Variants in ESYT1 observed in about 807,000 individuals in gnomAD.
ESYT1 encodes extended synaptotagmin-1.
In ESYT1, 116 loss-of-function variants were observed where a neutral mutation model predicts 154.2. The ratio of observed to expected loss-of-function variants is 0.75; its 90% CI spans 0.65 to 0.88. The LOEUF (loss-of-function observed/expected upper bound fraction) is 0.88. Among genes scored for constraint, ESYT1 ranks in the 40% least tolerant of loss-of-function variants. The probability of loss-of-function intolerance (pLI) is 0.00; values close to 1 mark genes in which losing one functional copy is unlikely to be tolerated. For missense variants in ESYT1, 1,264 were observed against 1,379.3 expected, an observed-to-expected ratio of 0.92 and a Z score of 1.32; for synonymous variants, 500 against 539.9, an observed-to-expected ratio of 0.93 and a Z score of 1.02.
intron 24 of ESYT1, among the ~76,000 whole-genome samples, chr12:56,139,657 G>A (rs908495740): frequency 2.7e-5 from 4 of 150,006 alleles, no homozygotes; most frequent in Non-Finnish European, 4.4e-5. Flanking sequence ...GTGCAGTGGC[G>A]CAATCTCAGC....
In ESYT1 at chr12:56,144,168, G is replaced by A; in HGVS notation, c.*306G>A. ...TCAGGGCCTTCTGTATCTGTGCCTGGCCAGTGGCAGCACTAGCAGTGGTAT... is the reference window on the plus strand; with the variant it reads ...TCAGGGCCTTCTGTATCTGTGCCTGACCAGTGGCAGCACTAGCAGTGGTAT... On this transcript the variant is annotated 3_prime_UTR_variant, in exon 31 of 31. Coordinates refer to ENST00000394048, the MANE Select transcript of ESYT1 (RefSeq NM_015292.3). 1 of 1,323,780 alleles carries A rather than the reference G, an allele frequency of 7.6e-7. No homozygotes were observed. The highest frequency in any genetic ancestry group is 9.7e-7 in the Non-Finnish European group (1 of 1,033,022). 82.0% of individuals were successfully genotyped at this position (1,323,780 alleles called of 1,614,324 possible). A position where few individuals can be genotyped will look rare whatever the true frequency, so the allele number is the denominator to read the frequency against.
At chr12:56,141,680 C>CA (rs1249590323) in intron 24 of ESYT1, among the ~76,000 whole-genome samples, 2 of 152,142 alleles carry the variant, frequency 1.3e-5, no homozygotes, top group Non-Finnish European at 2.9e-5. Flanking sequence ...GCGGAGCTTG[C>CA]AGTGAGCTGA....
intron 1 of ESYT1, 48 bp downstream of exon 1, chr12:56,128,757 C>A (rs1415797166): frequency 6.2e-7 from 1 of 1,604,414 alleles, no homozygotes; most frequent in African/African-American, 1.3e-5. Flanking sequence ...CCCTTCCACC[C>A]CTTCCATCTG....
chr12:56,137,041 TG>T (rs921353341), intron 16 of ESYT1, 148 bp downstream of exon 16: 62 of 1,302,118 alleles, frequency 4.8e-5, no homozygotes, highest in Middle Eastern at 2.3e-4. Context: ...TTGATCTGAC[TG>T]GTGGAAGGAA....
chr12:56,128,628 A>G lies in ESYT1; in HGVS notation c.309A>G (p.Arg103=). 6.2e-7 allele frequency: 1 copy of G among 1,614,144 alleles called. No homozygotes were observed. The highest frequency in any genetic ancestry group is 8.5e-7 in the Non-Finnish European group (1 of 1,180,008). Residue 103 remains arginine, a synonymous_variant, in exon 1 of 31, where the codon CGA becomes CGG. Coordinates refer to ENST00000394048, the MANE Select transcript of ESYT1 (RefSeq NM_015292.3). ...RVRDEKERSL[R]AARQLLDDEE... is the part of the protein sequence containing the mutation. ...GCGACGAGAAAGAACGGAGCCTTCG[A>G]GCAGCGAGGCAGCTACTGGACGACG...
chr12:56,137,085 C>A, intron 16 of ESYT1, 133 bp from the exon 17 acceptor site: 1 of 1,333,826 alleles, frequency 7.5e-7, no homozygotes, highest in Non-Finnish European at 1.0e-6. Context: ...TGGAGGGAAC[C>A]CTGTAGAGAT....
In ESYT1 at chr12:56,138,019, T is replaced by C. The variant is rs568341425; in HGVS notation, c.2199-7T>C. On this transcript the variant is annotated splice_region_variant and splice_polypyrimidine_tract_variant and intron_variant, in intron 19 of 30. Transcript: ENST00000394048. ...CTAGCTTTTGTCTTAATCTTTCTCT[T>C]CAACAGGTGTAAAGTGCGTCTCACC... The C allele has an allele frequency of 4.3e-6, 7 of 1,614,044 alleles. No homozygotes were observed. Among genetic ancestry groups the C allele is most frequent in the African/African-American group, 1.3e-5 (1 of 74,920 alleles).
chr12:56,133,973 C>T, intron 13 of ESYT1, 100 bp downstream of exon 13: 1 of 1,519,940 alleles, frequency 6.6e-7, no homozygotes, highest in Non-Finnish European at 9.1e-7. Flanking sequence ...CCAGAAGTAT[C>T]AGCATGTAAC....
At chr12:56,139,131 CAG>C in intron 24 of ESYT1, 118 bp downstream of exon 24, 2 of 717,400 alleles carry the variant, frequency 2.8e-6, no homozygotes, top group Non-Finnish European at 2.3e-6. Flanking sequence ...TTTTTTGAGA[CAG>C]AGTCTTGCTC....
At position 56,131,035 on chromosome 12, in the gene ESYT1, CCTAGCCA is replaced by C. The variant is rs1565872701; in HGVS notation, c.568-4_570del. ...GCCCTCTCTCAGGAATTTCTCTCTC[CCTAGCCA>C]TTGCGCATCATTGGAGTCAAGGTTC... On this transcript the variant is annotated splice_acceptor_variant and splice_polypyrimidine_tract_variant and coding_sequence_variant and intron_variant, in exon 4 of 31. Coordinates refer to ENST00000394048, the MANE Select transcript of ESYT1 (RefSeq NM_015292.3). LOFTEE classifies it high-confidence loss of function. 1 of 1,614,138 alleles carries C rather than the reference CCTAGCCA, an allele frequency of 6.2e-7. No individual in the cohort carries two copies. The highest frequency in any genetic ancestry group is 8.5e-7 in the Non-Finnish European group (1 of 1,180,020).
chr12:56,141,466 C>T (rs190954252), intron 24 of ESYT1, among the ~76,000 whole-genome samples: 71 of 152,282 alleles, frequency 4.7e-4, no homozygotes, highest in Middle Eastern at 3.4e-3. Context: ...CTAGGTTGGG[C>T]GCGGTGGCTC....
intron 7 of ESYT1, 91 bp downstream of exon 7, chr12:56,131,895 C>T (rs1870250506): frequency 2.3e-6 from 3 of 1,282,194 alleles, no homozygotes; most frequent in South Asian, 1.2e-5. Context: ...CTGCTTGTGT[C>T]CTCTAGGAGC....
chr12:56,141,507 A>G (rs190471136), intron 24 of ESYT1, among the ~76,000 whole-genome samples: 334 of 152,102 alleles, frequency 2.2e-3, no homozygotes, highest in Middle Eastern at 6.8e-3. Flanking sequence ...TTGGGAGGCC[A>G]AGGCGGGCAG....
intron 7 of ESYT1, 32 bp from the exon 8 acceptor site, chr12:56,132,177 C>T: frequency 6.2e-7 from 1 of 1,614,020 alleles, no homozygotes; most frequent in Non-Finnish European, 8.5e-7. Flanking sequence ...GAAGTTGAGG[C>T]CATACCCACT....
Position 56,128,316 on chromosome 12 carries a change from C to A in ESYT1, c.-4C>A. 6.2e-7 allele frequency: 1 copy of A among 1,607,694 alleles called. No individual in the cohort carries two copies. On this transcript the variant is annotated 5_prime_UTR_variant, in exon 1 of 31. Transcript: ENST00000394048. ...GTCGGGCGGATCCTCCCAGAGGTGG[C>A]ACAATGGAGCGATCTCCAGGAGAGG...
Position 56,144,213 on chromosome 12 carries a change from C to A in ESYT1, c.*351C>A. 8.6e-7 allele frequency: 1 copy of A among 1,164,568 alleles called. No homozygotes were observed. The highest frequency in any genetic ancestry group is 4.7e-5 in the East Asian group (1 of 21,172). The allele number at this position is 1,164,568 out of a possible 1,614,324, so 72.1% of individuals were successfully genotyped here. ...TGGTATTAGCTTATGCCAAATACAG[C>A]TTTGGAAGGATCTTTTTTTCTTTAA... is the stretch of plus-strand genomic sequence containing the variant. On this transcript the variant is annotated 3_prime_UTR_variant, in exon 31 of 31. Coordinates refer to ENST00000394048, the MANE Select transcript of ESYT1 (RefSeq NM_015292.3).
intron 1 of ESYT1, chr12:56,129,193 A>G: frequency 6.2e-6 from 1 of 160,268 alleles, no homozygotes; most frequent in South Asian, 1.5e-4. Flanking sequence ...ATCCCCGGGT[A>G]CCCGCTAGGA....
Position 56,142,225 on chromosome 12 carries a change from C to T in ESYT1, c.2593-60C>T. The T allele has an allele frequency of 1.9e-6, 3 of 1,589,550 alleles. No individual in the cohort carries two copies. Among genetic ancestry groups the T allele is most frequent in the South Asian group, 1.1e-5 (1 of 88,330 alleles). On this transcript the variant is annotated intron_variant, in intron 24 of 30. Coordinates refer to ENST00000394048, the MANE Select transcript of ESYT1 (RefSeq NM_015292.3). The surrounding 1 kb of genome is among the most constrained non-coding windows in gnomAD (Gnocchi z 4.1). ...TCCAAGCGTTTGGACCTTTAAAACA[C>T]CAGGATTAACTCATTTGTTGATGCA...
In ESYT1 at chr12:56,132,451, C is replaced by A. The variant is rs756088856; in HGVS notation, c.1015C>A (p.Arg339=). ...GIIRIHLLAA[R]GLSSKDKYVK... is the part of the protein sequence containing the mutation. The stretch of plus-strand genomic sequence containing the variant: ...TATTCGAATTCACCTGCTGGCTGCT[C>A]GAGGGCTGAGTTCCAAGGACAAATA... The change falls in exon 9 of 31, where the codon CGA becomes AGA. Residue 339 remains arginine (R), a synonymous_variant. Transcript: ENST00000394048. 4 of 1,613,956 alleles carry A rather than the reference C, an allele frequency of 2.5e-6. No homozygotes were observed. The East Asian group carries it at 8.9e-5, about 36-fold the overall frequency.
Sources: allele counts gnomAD v4.1 joint callset (sites outside exome capture counted in the v4.1 genomes callset), GRCh38; gene constraint gnomAD v4.1.1; non-coding constraint Gnocchi (gnomAD v3.1); transcripts MANE v1.5; gene names NCBI Gene and HGNC (gene_info 2026-07-23, HGNC 2026-07-21).